Variants in GTF2H4 observed in about 807,000 individuals in gnomAD.
GTF2H4 encodes BTF2 p52.
A neutral mutation model predicts 62.2 loss-of-function variants in GTF2H4; 49 were observed. The ratio of observed to expected loss-of-function variants is 0.79; its 90% CI spans 0.63 to 1.00. The LOEUF (loss-of-function observed/expected upper bound fraction) is 1.00. GTF2H4 is among the 50% of genes least tolerant of loss of function. The pLI is 0.00. For synonymous variants in GTF2H4, 189 were observed against 233.8 expected (o/e 0.81, Z 1.75); for missense variants, 479 against 587.8 (o/e 0.81, Z 1.91).
Position 30,909,625 on chromosome 6 carries a change from A to G in GTF2H4, c.242+86A>G. 1.3e-6 allele frequency: 1 copy of G among 797,824 alleles called. No individual in the cohort carries two copies. Among genetic ancestry groups the G allele is most frequent in the Non-Finnish European group, 2.1e-6 (1 of 474,828 alleles). The allele number at this position is 797,824 out of a possible 1,614,324, so 49.4% of individuals were successfully genotyped here. ...GAGCACTTCCAGGAAGTGTTAATAG[A>G]TATATCACAAAACTTAAAAATAAAT... On this transcript the variant is annotated intron_variant, in intron 3 of 13. Coordinates refer to ENST00000259895, the MANE Select transcript of GTF2H4 (RefSeq NM_001517.5). The surrounding 1 kb of genome is among the most constrained non-coding windows in gnomAD (Gnocchi z 4.3).
At position 30,913,927 on chromosome 6, in the gene GTF2H4, C is replaced by G; in HGVS notation, c.1333C>G (p.Pro445Ala). 6.2e-7 allele frequency: 1 copy of G among 1,608,362 alleles called. No individual in the cohort carries two copies. Among genetic ancestry groups the G allele is most frequent in the Non-Finnish European group, 8.5e-7 (1 of 1,177,662 alleles). Residue 445 changes from proline to alanine, a missense_variant, in exon 14 of 14, where the codon CCG (proline) becomes GCG (alanine). Coordinates refer to ENST00000259895, the MANE Select transcript of GTF2H4 (RefSeq NM_001517.5). The surrounding 1 kb of genome is among the most constrained non-coding windows in gnomAD (Gnocchi z 4.2). ...NSAKRLMVVT[P>A]AGHSDVKRFW... ...GGCCAAGCGGCTCATGGTGGTGACC[C>G]CGGCCGGGCACAGCGACGTCAAGCG...
chr6:30,912,379 G>A lies in GTF2H4; in HGVS notation c.1010G>A (p.Arg337Gln), dbSNP rs3218820. 0.014 allele frequency: 22,959 copies of A among 1,612,930 alleles called. 212 individuals carry two copies. The highest frequency in any genetic ancestry group is 0.017 in the Non-Finnish European group (20,319 of 1,180,000). Residue 337 changes from arginine (R) to glutamine (Q), a missense_variant, in exon 11 of 14, where the codon CGG becomes CAG. Transcript: ENST00000259895. This position sits in a 1 kb window ranked among gnomAD's most constrained non-coding sequence, Gnocchi z 4.8. ...LIALFSEMLY[R>Q]FPNMVVAQVT... Reference sequence around the variant, plus strand: ...GCCCTCTTCTCTGAGATGCTCTATCGGTTCCCCAACATGGTGGTGGCGCAG... The same window carrying A: ...GCCCTCTTCTCTGAGATGCTCTATCAGTTCCCCAACATGGTGGTGGCGCAG...
chr6:30,912,049 C>T lies in GTF2H4; in HGVS notation c.861C>T (p.Ala287=). ...KSRRYYPTRL[A]INLSSGVSGA... ...GGCGTTACTACCCCACACGCCTGGCCATCAATCTCTCATCAGGTGTCTCTG... is the reference window on the plus strand; with the variant it reads ...GGCGTTACTACCCCACACGCCTGGCTATCAATCTCTCATCAGGTGTCTCTG... The change falls in exon 10 of 14, where the codon GCC becomes GCT. Residue 287 remains alanine, a synonymous_variant. Transcript: ENST00000259895. The surrounding 1 kb of genome is among the most constrained non-coding windows in gnomAD (Gnocchi z 4.8). 6.2e-7 allele frequency: 1 copy of T among 1,612,920 alleles called. No individual in the cohort carries two copies. The highest frequency in any genetic ancestry group is 1.1e-5 in the South Asian group (1 of 91,072).
rs1793723654 is a variant in GTF2H4, at chr6:30,910,654, CCT to C, written c.375-10_375-9del. The C allele has an allele frequency of 6.2e-7, 1 of 1,608,218 alleles. No homozygotes were observed. Among genetic ancestry groups the C allele is most frequent in the Non-Finnish European group, 8.5e-7 (1 of 1,175,846 alleles). The stretch of plus-strand genomic sequence containing the variant: ...CCAGGGTTCCTTACTCTTGGCCCAT[CCT>C]GGCCGTAGGGGGAAGGCCTGGTCTG... On this transcript the variant is annotated splice_polypyrimidine_tract_variant and intron_variant, in intron 4 of 13. Coordinates refer to ENST00000259895, the MANE Select transcript of GTF2H4 (RefSeq NM_001517.5). This position sits in a 1 kb window ranked among gnomAD's most constrained non-coding sequence, Gnocchi z 4.7.
chr6:30,910,982 C>G lies in GTF2H4; in HGVS notation c.560+41C>G. 3.3e-6 allele frequency: 5 copies of G among 1,497,602 alleles called. No individual in the cohort carries two copies. Among genetic ancestry groups the G allele is most frequent in the Non-Finnish European group, 4.6e-6 (5 of 1,090,358 alleles). The allele number at this position is 1,497,602 out of a possible 1,614,324, so 92.8% of individuals were successfully genotyped here. On this transcript the variant is annotated intron_variant, in intron 6 of 13. Coordinates refer to ENST00000259895, the MANE Select transcript of GTF2H4 (RefSeq NM_001517.5). The surrounding 1 kb of genome is among the most constrained non-coding windows in gnomAD (Gnocchi z 4.7). ...GTACAGCAGCTCTCTGCTGTGCCAT[C>G]TCCTTGGGTCCCTAAGAAATGGTAT... is the stretch of plus-strand genomic sequence containing the variant.
Position 30,913,849 on chromosome 6 carries a change from G to A in GTF2H4, c.1255G>A (p.Glu419Lys), listed in dbSNP as rs1793931783. The A allele has an allele frequency of 6.2e-7, 1 of 1,605,572 alleles. No individual in the cohort carries two copies. Among genetic ancestry groups the A allele is most frequent in the Non-Finnish European group, 8.5e-7 (1 of 1,175,916 alleles). ...YNQFLSQVDF[E>K]LLLAHARELG... Reference sequence around the variant, plus strand: ...CCAGTTCCTGTCGCAAGTGGACTTTGAGCTGCTGCTGGCCCACGCGCGGGA... The same window carrying A: ...CCAGTTCCTGTCGCAAGTGGACTTTAAGCTGCTGCTGGCCCACGCGCGGGA... The change falls in exon 14 of 14, where the codon GAG becomes AAG. Residue 419 changes from glutamate (E) to lysine (K), a missense_variant. Coordinates refer to ENST00000259895, the MANE Select transcript of GTF2H4 (RefSeq NM_001517.5). The surrounding 1 kb of genome is among the most constrained non-coding windows in gnomAD (Gnocchi z 4.2).
Position 30,913,990 on chromosome 6 carries a change from G to A in GTF2H4, c.*7G>A. The A allele has an allele frequency of 6.3e-7, 1 of 1,582,650 alleles. No homozygotes were observed. The highest frequency in any genetic ancestry group is 8.6e-7 in the Non-Finnish European group (1 of 1,163,420). On this transcript the variant is annotated 3_prime_UTR_variant, in exon 14 of 14. Coordinates refer to ENST00000259895, the MANE Select transcript of GTF2H4 (RefSeq NM_001517.5). The surrounding 1 kb of genome is among the most constrained non-coding windows in gnomAD (Gnocchi z 4.2). ...GCAGAAACATAGCTCCTGAGAGCGC[G>A]GGACTTGGACACGGACCTCGGCGGG...
rs779400606 is a variant in GTF2H4 at position 30,909,999 on chromosome 6, G to T, written c.310G>T (p.Gly104Trp). ...RIWHTQLLPG[G>W]LQGLILNPIF... ...CTGGCACACACAGCTGCTCCCAGGC[G>T]GGCTCCAGGGCCTCATCCTCAACCC... Residue 104 changes from glycine (G) to tryptophan (W), a missense_variant, in exon 4 of 14, where the codon GGG becomes TGG. Coordinates refer to ENST00000259895, the MANE Select transcript of GTF2H4 (RefSeq NM_001517.5). The surrounding 1 kb of genome is among the most constrained non-coding windows in gnomAD (Gnocchi z 4.3). 1.9e-6 allele frequency: 3 copies of T among 1,612,964 alleles called. No individual in the cohort carries two copies. In the South Asian group the frequency reaches 3.3e-5, roughly 18 times the overall value.
chr6:30,913,479 G>C lies in GTF2H4; in HGVS notation c.1216+92G>C, dbSNP rs1793904966. On this transcript the variant is annotated intron_variant, in intron 13 of 13. Transcript: ENST00000259895. This position sits in a 1 kb window ranked among gnomAD's most constrained non-coding sequence, Gnocchi z 4.2. Reference sequence around the variant, plus strand: ...TTTTATTTTTTACTTCATGGACTAGGAGAGAAAAGCTGGCAAGACAGTTTT... The same window carrying C: ...TTTTATTTTTTACTTCATGGACTAGCAGAGAAAAGCTGGCAAGACAGTTTT... 1.4e-6 allele frequency: 2 copies of C among 1,418,742 alleles called. No homozygotes were observed. Among genetic ancestry groups the C allele is most frequent in the Non-Finnish European group, 1.9e-6 (2 of 1,035,698 alleles). 87.9% of individuals were successfully genotyped at this position (1,418,742 alleles called of 1,614,324 possible).
Position 30,911,633 on chromosome 6 carries a change from G to T in GTF2H4, c.742-51G>T. 1.4e-6 allele frequency: 2 copies of T among 1,423,648 alleles called. No homozygotes were observed. The highest frequency in any genetic ancestry group is 2.0e-6 in the Non-Finnish European group (2 of 1,006,846). 88.2% of individuals were successfully genotyped at this position (1,423,648 alleles called of 1,614,324 possible). On this transcript the variant is annotated intron_variant, in intron 8 of 13. Transcript: ENST00000259895. The surrounding 1 kb of genome is among the most constrained non-coding windows in gnomAD (Gnocchi z 4.3). ...AAGAAAGAATGAATGTATGGGGTTG[G>T]GGGTGGGTGGGTTGTGTTTTGGACC... is the stretch of plus-strand genomic sequence containing the variant.
In GTF2H4 at chr6:30,910,480, C is replaced by A. The variant is rs1793714219; in HGVS notation, c.375-185C>A. 2 of 633,896 alleles carry A rather than the reference C, an allele frequency of 3.2e-6. No homozygotes were observed. The highest frequency in any genetic ancestry group is 3.6e-5 in the African/African-American group (2 of 55,444). 39.3% of individuals were successfully genotyped at this position (633,896 alleles called of 1,614,324 possible). ...GAGTAGCTGGGATTACAGGCACCCA[C>A]CACGACGCCAGGCTAATTTTTTGTA... On this transcript the variant is annotated intron_variant, in intron 4 of 13. Transcript: ENST00000259895. This position sits in a 1 kb window ranked among gnomAD's most constrained non-coding sequence, Gnocchi z 4.7.
At position 30,908,934 on chromosome 6, in the gene GTF2H4, G is replaced by C. The variant is rs1325008717; in HGVS notation, c.-3-100G>C. The C allele has an allele frequency of 6.8e-6, 9 of 1,322,228 alleles. No homozygotes were observed. In the African/African-American group the frequency reaches 1.0e-4, roughly 15 times the overall value. The allele number at this position is 1,322,228 out of a possible 1,614,324, so 81.9% of individuals were successfully genotyped here. A position where few individuals can be genotyped will look rare whatever the true frequency, so the allele number is the denominator to read the frequency against. ...GGAAAGGAGACCACAGAAAAGGTGGGGTTATTGTGGGGACTGATGGATCTG... is the reference window on the plus strand; with the variant it reads ...GGAAAGGAGACCACAGAAAAGGTGGCGTTATTGTGGGGACTGATGGATCTG... On this transcript the variant is annotated intron_variant, in intron 1 of 13. Coordinates refer to ENST00000259895, the MANE Select transcript of GTF2H4 (RefSeq NM_001517.5).
chr6:30,911,422 T>G lies in GTF2H4; in HGVS notation c.673-9T>G. 1.2e-6 allele frequency: 2 copies of G among 1,612,516 alleles called. No individual in the cohort carries two copies. Among genetic ancestry groups the G allele is most frequent in the Non-Finnish European group, 1.7e-6 (2 of 1,178,746 alleles). ...CCCTCCTCCTTTGTCTCTGCCTCTT[T>G]CTCCCTAGAGCCGGGGCATGGACCT... On this transcript the variant is annotated splice_polypyrimidine_tract_variant and intron_variant, in intron 7 of 13. Coordinates refer to ENST00000259895, the MANE Select transcript of GTF2H4 (RefSeq NM_001517.5). The surrounding 1 kb of genome is among the most constrained non-coding windows in gnomAD (Gnocchi z 4.3).
chr6:30,912,470 TG>T lies in GTF2H4; in HGVS notation c.1089+15del. The T allele has an allele frequency of 6.2e-7, 1 of 1,611,562 alleles. No individual in the cohort carries two copies. The highest frequency in any genetic ancestry group is 8.5e-7 in the Non-Finnish European group (1 of 1,179,892). Reference sequence around the variant, plus strand: ...TCACAGCCCAGCAGGTATTCCCACTTGGGAGAGGTGGAGCAGGAAGACAGGC... The same window carrying T: ...TCACAGCCCAGCAGGTATTCCCACTTGGAGAGGTGGAGCAGGAAGACAGGC... On this transcript the variant is annotated intron_variant, in intron 11 of 13. Coordinates refer to ENST00000259895, the MANE Select transcript of GTF2H4 (RefSeq NM_001517.5). This position sits in a 1 kb window ranked among gnomAD's most constrained non-coding sequence, Gnocchi z 4.8.
chr6:30,909,486 G>A lies in GTF2H4; in HGVS notation c.189G>A (p.Glu63=), dbSNP rs142542393. 326 of 1,612,744 alleles carry A rather than the reference G, an allele frequency of 2.0e-4. No homozygotes were observed. The highest frequency in any genetic ancestry group is 5.8e-4 in the Admixed American group (35 of 60,000). ...GGGTGATGCGGATGCTCTTTCTGGA[G>A]CAGCCTTTGCCACAGGCTGCTGTAG... is the stretch of plus-strand genomic sequence containing the variant. ...KNWVMRMLFL[E]QPLPQAAVAL... The change falls in exon 3 of 14, where the codon GAG becomes GAA. Residue 63 remains glutamate, a synonymous_variant. Transcript: ENST00000259895. This position sits in a 1 kb window ranked among gnomAD's most constrained non-coding sequence, Gnocchi z 4.3.
Position 30,911,914 on chromosome 6 carries a change from G to A in GTF2H4, c.826-100G>A, listed in dbSNP as rs555924064. The A allele has an allele frequency of 6.7e-7, 1 of 1,486,724 alleles. No individual in the cohort carries two copies. Among genetic ancestry groups the A allele is most frequent in the Non-Finnish European group, 9.2e-7 (1 of 1,082,580 alleles). The allele number at this position is 1,486,724 out of a possible 1,614,324, so 92.1% of individuals were successfully genotyped here. The stretch of plus-strand genomic sequence containing the variant: ...GGTCTCTCGGGGGAGAGAAGTTGGG[G>A]GTTGAGGTTCTGCATCTTGGGAGGG... On this transcript the variant is annotated intron_variant, in intron 9 of 13. Coordinates refer to ENST00000259895, the MANE Select transcript of GTF2H4 (RefSeq NM_001517.5). This position sits in a 1 kb window ranked among gnomAD's most constrained non-coding sequence, Gnocchi z 4.3.
chr6:30,912,023 C>T lies in GTF2H4; in HGVS notation c.835C>T (p.Arg279Trp), dbSNP rs1172174181. 8 of 1,612,736 alleles carry T rather than the reference C, an allele frequency of 5.0e-6. No homozygotes were observed. The highest frequency in any genetic ancestry group is 2.2e-5 in the South Asian group (2 of 91,042). ...TTTCTATTCTTTTCAGAGGAAATCT[C>T]GGCGTTACTACCCCACACGCCTGGC... The part of the protein sequence containing the change: ...GLVFQRKRKS[R>W]RYYPTRLAIN... The change falls in exon 10 of 14, where the codon CGG becomes TGG. Residue 279 changes from arginine to tryptophan, a missense_variant. Coordinates refer to ENST00000259895, the MANE Select transcript of GTF2H4 (RefSeq NM_001517.5). The surrounding 1 kb of genome is among the most constrained non-coding windows in gnomAD (Gnocchi z 4.8).
chr6:30,913,039 T>C lies in GTF2H4; in HGVS notation c.1090-71T>C, dbSNP rs1180450118. ...GAATAAGCTGATGTTCCAGTGACATTAGGTGACAGCTCAGATGGCTTTCCT... is the reference window on the plus strand; with the variant it reads ...GAATAAGCTGATGTTCCAGTGACATCAGGTGACAGCTCAGATGGCTTTCCT... On this transcript the variant is annotated intron_variant, in intron 11 of 13. Coordinates refer to ENST00000259895, the MANE Select transcript of GTF2H4 (RefSeq NM_001517.5). The surrounding 1 kb of genome is among the most constrained non-coding windows in gnomAD (Gnocchi z 4.2). 2.2e-5 allele frequency: 32 copies of C among 1,448,258 alleles called. No homozygotes were observed. The highest frequency in any genetic ancestry group is 1.6e-4 in the East Asian group (7 of 43,980). The allele number at this position is 1,448,258 out of a possible 1,614,324, so 89.7% of individuals were successfully genotyped here.
In GTF2H4 at chr6:30,910,588, C is replaced by T. The variant is rs749479488; in HGVS notation, c.375-77C>T. Reference sequence around the variant, plus strand: ...TCAAGTGATCCGCCCATCTCGGCCTCCCAAAGTACAGGGATTACAGGTGTG... The same window carrying T: ...TCAAGTGATCCGCCCATCTCGGCCTTCCAAAGTACAGGGATTACAGGTGTG... On this transcript the variant is annotated intron_variant, in intron 4 of 13. Coordinates refer to ENST00000259895, the MANE Select transcript of GTF2H4 (RefSeq NM_001517.5). The surrounding 1 kb of genome is among the most constrained non-coding windows in gnomAD (Gnocchi z 4.7). 2.0e-5 allele frequency: 21 copies of T among 1,076,548 alleles called. No individual in the cohort carries two copies. In the Admixed American group the frequency reaches 3.5e-4, roughly 18 times the overall value. 66.7% of individuals were successfully genotyped at this position (1,076,548 alleles called of 1,614,324 possible).
Sources: allele counts gnomAD v4.1 joint callset, GRCh38; gene constraint gnomAD v4.1.1; non-coding constraint Gnocchi (gnomAD v3.1); transcripts MANE v1.5; gene names NCBI Gene and HGNC (gene_info 2026-07-23, HGNC 2026-07-21).